DEPDC5: variants seen among roughly 807,000 people sequenced by gnomAD.
DEPDC5 encodes the protein DEP domain containing 5, GATOR1 subcomplex subunit.
Under a neutral mutation model 217.3 loss-of-function variants are expected in DEPDC5, and 73 were observed. That is an observed-to-expected ratio of 0.34 (90% confidence interval 0.28 to 0.41). DEPDC5 has a LOEUF of 0.41. Ranked by LOEUF, DEPDC5 falls within the 10% of genes least tolerant of loss-of-function variation. The pLI is 1.00. For synonymous variants in DEPDC5, 733 were observed against 756.7 expected, an observed-to-expected ratio of 0.97 and a Z score of 0.51; for missense variants, 1,675 against 2,070.1, an observed-to-expected ratio of 0.81 and a Z score of 3.70.
chr22:31,803,947 G>A (rs958418294), intron 15 of DEPDC5, among the ~76,000 whole-genome samples: 9 of 152,098 alleles, frequency 5.9e-5, no homozygotes, highest in Admixed American at 1.3e-4. Flanking sequence ...GTCAAGCACC[G>A]AATAATGATA....
At chr22:31,860,328 T>C (rs567289071) in intron 32 of DEPDC5, among the ~76,000 whole-genome samples, 1 of 152,336 alleles carries the variant, frequency 6.6e-6, no homozygotes, top group Non-Finnish European at 1.5e-5. Context: ...TATTGGAGTT[T>C]GCAGTCACTT....
chr22:31,769,077 G>T (rs970997016), intron 7 of DEPDC5: 13 of 370,334 alleles, frequency 3.5e-5, no homozygotes, highest in Non-Finnish European at 5.9e-5. Flanking sequence ...TGGCTAACAC[G>T]GTGAAACCCC....
chr22:31,834,673 C>G (rs533171505), intron 25 of DEPDC5, among the ~76,000 whole-genome samples: 12 of 152,092 alleles, frequency 7.9e-5, no homozygotes, highest in African/African-American at 2.9e-4. Context: ...CGCGCCACCA[C>G]GCCTGGCTAA....
intron 31 of DEPDC5, 152 bp downstream of exon 31, chr22:31,847,119 G>A (rs2091782039): frequency 9.2e-7 from 1 of 1,084,204 alleles, no homozygotes; most frequent in South Asian, 1.6e-5. Context: ...CTAATACCTG[G>A]TAGGTGTTGG....
intron 38 of DEPDC5, chr22:31,879,984 A>G (rs1317251437): frequency 1.9e-6 from 1 of 536,366 alleles, no homozygotes; most frequent in Non-Finnish European, 3.4e-6. Flanking sequence ...AAATCAGAAC[A>G]TAGTGCCAGA....
intron 10 of DEPDC5, among the ~76,000 whole-genome samples, chr22:31,788,441 ATT>A (rs570086659): frequency 3.4e-4 from 47 of 136,976 alleles, no homozygotes; most frequent in Non-Finnish European, 4.5e-4. Context: ...TGCCCGGGCA[ATT>A]TTTTTTTTTT....
At chr22:31,770,815 A>T (rs1437458922) in intron 7 of DEPDC5, among the ~76,000 whole-genome samples, 1 of 144,738 alleles carries the variant, frequency 6.9e-6, no homozygotes, top group African/African-American at 2.5e-5. Flanking sequence ...TTTTTGAGAC[A>T]AAGTCTCACT....
intron 21 of DEPDC5, chr22:31,815,703 A>C: frequency 1.5e-6 from 1 of 656,922 alleles, no homozygotes. Context: ...GCTGATTATC[A>C]TATTTTTTTT....
chr22:31,827,240 C>A (rs114480674), intron 24 of DEPDC5, among the ~76,000 whole-genome samples: 2,287 of 152,146 alleles, frequency 0.015, 45 homozygotes, highest in African/African-American at 0.053. Context: ...TGATCTATAG[C>A]CACATGGGAA....
chr22:31,873,133 C>T, intron 34 of DEPDC5, 122 bp from the exon 35 acceptor site: 1 of 1,555,894 alleles, frequency 6.4e-7, no homozygotes, highest in Non-Finnish European at 8.7e-7. Flanking sequence ...TACTAAAATG[C>T]CTTTAGTGTC....
rs1285256921 is a variant in DEPDC5 at position 31,897,631 on chromosome 22, G to A, written c.4353G>A (p.Glu1451=). ...TCAACATCAGCTGCTTGCTCAAGGA[G>A]GGCAGCGAGCACCTGTTTGATAGTA... ...IPLNISCLLK[E]GSEHLFDSFE... Residue 1451 remains glutamate (E), a synonymous_variant, in exon 40 of 43, where the codon GAG becomes GAA. Transcript: ENST00000651528. 1.9e-6 allele frequency: 3 copies of A among 1,613,948 alleles called. No homozygotes were observed. The highest frequency in any genetic ancestry group is 2.5e-6 in the Non-Finnish European group (3 of 1,180,020).
chr22:31,804,883 T>C lies in DEPDC5; in HGVS notation c.1185T>C (p.Asp395=). The part of the protein sequence containing the change: ...RSAPRDSRLG[D]DYNIPHWINH... ...CTCCCCGTGATTCTCGTCTGGGCGA[T>C]GACTATAATATCCCTCACTGGATAA... Residue 395 remains aspartate, a synonymous_variant, in exon 17 of 43, where the codon GAT becomes GAC. Transcript: ENST00000651528. The C allele has an allele frequency of 6.2e-7, 1 of 1,614,064 alleles. No homozygotes were observed. Among genetic ancestry groups the C allele is most frequent in the East Asian group, 2.2e-5 (1 of 44,880 alleles).
At chr22:31,805,084 A>C (rs1447412548) in intron 17 of DEPDC5, 169 bp downstream of exon 17, 4 of 595,052 alleles carry the variant, frequency 6.7e-6, no homozygotes, top group Non-Finnish European at 1.2e-5. Flanking sequence ...AAGCAGTAGC[A>C]GTATCATAGG....
intron 29 of DEPDC5, among the ~76,000 whole-genome samples, chr22:31,844,198 C>A (rs968613694): frequency 3.9e-5 from 6 of 151,906 alleles, no homozygotes; most frequent in African/African-American, 1.2e-4. Context: ...TGCACTCCAG[C>A]CTGGGCAACA....
At chr22:31,855,386 T>G (rs1477839683) in intron 31 of DEPDC5, among the ~76,000 whole-genome samples, 1 of 151,616 alleles carries the variant, frequency 6.6e-6, no homozygotes, top group Non-Finnish European at 1.5e-5. Context: ...ATTTCTTTTT[T>G]TTTTTTTTGC....
At chr22:31,797,542 C>T (rs2086384111) in intron 12 of DEPDC5, 58 bp from the exon 13 acceptor site, 2 of 1,434,226 alleles carry the variant, frequency 1.4e-6, no homozygotes. Context: ...TGGGAGGGGA[C>T]ACAGAGCCAA....
intron 31 of DEPDC5, among the ~76,000 whole-genome samples, chr22:31,851,929 G>A (rs536617619): frequency 3.9e-5 from 6 of 152,250 alleles, no homozygotes; most frequent in Admixed American, 1.3e-4. Context: ...GGTGGCTCAC[G>A]CCTGTAATCC....
chr22:31,821,324 A>G (rs1033894118), intron 22 of DEPDC5, among the ~76,000 whole-genome samples, 178 bp from the exon 23 acceptor site: 4 of 152,172 alleles, frequency 2.6e-5, no homozygotes, highest in African/African-American at 9.7e-5. Flanking sequence ...GCTCCTTAGT[A>G]GGATGGGTCC....
Position 31,766,616 on chromosome 22 carries a change from T to G in DEPDC5, c.311T>G (p.Phe104Cys). 6.2e-7 allele frequency: 1 copy of G among 1,613,978 alleles called. No individual in the cohort carries two copies. The highest frequency in any genetic ancestry group is 8.5e-7 in the Non-Finnish European group (1 of 1,179,982). Residue 104 changes from phenylalanine (F) to cysteine (C), a missense_variant, in exon 6 of 43, where the codon TTT becomes TGT. Phe to Cys is a radical substitution (Grantham distance 205, BLOSUM62 -2). This residue lies in a region of DEPDC5 where 628 missense variants were observed against 762.1 expected (regional missense o/e 0.82). Transcript: ENST00000651528. ...ACCCTTGACCTAGTGGAATTAACTT[T>G]TAAGGATCAGTATATTGGCCGTGGG... ...DVTLDLVELTFKDQYIGRGDM... is the reference protein window; with the variant it reads ...DVTLDLVELTCKDQYIGRGDM...
Sources: gnomAD v4.1 joint callset for allele counts (sites outside exome capture counted in the v4.1 genomes callset) on GRCh38, gnomAD v4.1.1 for gene constraint, gnomAD v4.1.1 regional missense constraint, MANE v1.5 for transcripts, NCBI Gene and HGNC (gene_info 2026-07-23, HGNC 2026-07-21) for gene names.